The following KCNH1 variants were observed in gnomAD, a reference collection of about 807,000 sequenced individuals.
The protein encoded by KCNH1 is potassium voltage-gated channel subfamily H member 1.
KCNH1 carries 27 observed loss-of-function variants against 69.2 expected under a neutral mutation model. The observed-to-expected ratio is 0.39, with a 90% CI of 0.29 to 0.54. The LOEUF is 0.54. Ranked by LOEUF, KCNH1 falls within the 20% of genes least tolerant of loss-of-function variation. The probability of loss-of-function intolerance (pLI) is 0.68; values close to 1 mark genes in which losing one functional copy is unlikely to be tolerated. For synonymous variants in KCNH1, 456 were observed against 487.7 expected, an observed-to-expected ratio of 0.93 and a Z score of 0.86; for missense variants, 798 against 1,261.6, an observed-to-expected ratio of 0.63 and a Z score of 5.57.
intron 9 of KCNH1, among the ~76,000 whole-genome samples, chr1:210,776,052 G>A (rs193076292): frequency 7.9e-5 from 12 of 152,288 alleles, no homozygotes; most frequent in Non-Finnish European, 1.3e-4. Flanking sequence ...CTATATTAGC[G>A]TGACTGAGAG....
chr1:211,082,047 T>C (rs34419401), intron 5 of KCNH1, among the ~76,000 whole-genome samples: 7,461 of 152,166 alleles, frequency 0.049, 297 homozygotes, highest in Non-Finnish European at 0.071. Flanking sequence ...TAATGACAAG[T>C]TGGGTGCATA....
At chr1:210,797,331 G>C (rs1456088311) in intron 9 of KCNH1, among the ~76,000 whole-genome samples, 177 bp downstream of exon 9, 3 of 152,208 alleles carry the variant, frequency 2.0e-5, no homozygotes, top group South Asian at 2.1e-4. Flanking sequence ...ATCAAACAGT[G>C]ACTGGCTTTG....
At chr1:210,801,837 C>G (rs1186503277) in intron 8 of KCNH1, among the ~76,000 whole-genome samples, 1 of 152,224 alleles carries the variant, frequency 6.6e-6, no homozygotes, top group Non-Finnish European at 1.5e-5. Context: ...CGACTAAGTT[C>G]AGCTCCAGCC....
chr1:210,969,612 T>C (rs995603420), intron 6 of KCNH1, among the ~76,000 whole-genome samples: 8 of 152,138 alleles, frequency 5.3e-5, no homozygotes, highest in African/African-American at 1.9e-4. Flanking sequence ...ATTATATTTG[T>C]AGAACTGCCT....
chr1:210,961,704 G>C (rs929211438), intron 6 of KCNH1, among the ~76,000 whole-genome samples: 1 of 152,112 alleles, frequency 6.6e-6, no homozygotes, highest in Non-Finnish European at 1.5e-5. Context: ...GCCAGGCATG[G>C]TGGTGCATGC....
chr1:210,769,743 C>T (rs113709743), intron 10 of KCNH1, among the ~76,000 whole-genome samples: 8 of 152,236 alleles, frequency 5.3e-5, no homozygotes, highest in East Asian at 1.9e-4. Context: ...AGCAGGAGAA[C>T]GTAATTCCCT....
At position 210,797,626 on chromosome 1, in the gene KCNH1, C is replaced by G. The variant is rs147586251; in HGVS notation, c.1797G>C (p.Thr599=). 6.2e-7 allele frequency: 1 copy of G among 1,614,120 alleles called. No individual in the cohort carries two copies. Among genetic ancestry groups the G allele is most frequent in the Admixed American group, 1.7e-5 (1 of 60,010 alleles). The change falls in exon 9 of 11, where the codon ACG becomes ACC. Residue 599 remains threonine, a synonymous_variant. Transcript: ENST00000271751. ...CLRALAMEFQ[T]VHCAPGDLIY... The stretch of plus-strand genomic sequence containing the variant: ...TGAGGTCCCCTGGGGCACAGTGCAC[C>G]GTCTGGAACTCCATGGCCAGTGCCC...
intron 5 of KCNH1, among the ~76,000 whole-genome samples, chr1:211,078,822 G>A (rs1403454929): frequency 6.6e-6 from 1 of 150,956 alleles, no homozygotes; most frequent in East Asian, 2.0e-4. Flanking sequence ...GGAGGCTGAG[G>A]CAGTAGAATG....
chr1:210,687,384 A>C (rs112219232), intron 10 of KCNH1, among the ~76,000 whole-genome samples: 9 of 152,306 alleles, frequency 5.9e-5, no homozygotes, highest in African/African-American at 1.2e-4. Flanking sequence ...CAGACACTCA[A>C]TGACAGGGCC....
chr1:210,982,224 A>T (rs368054126), intron 6 of KCNH1, among the ~76,000 whole-genome samples: 3 of 32,428 alleles, frequency 9.3e-5, no homozygotes, highest in African/African-American at 4.0e-4. Flanking sequence ...GAATACTTTT[A>T]TTATTATTAT....
intron 10 of KCNH1, among the ~76,000 whole-genome samples, chr1:210,747,642 C>CAAAA (rs11449700): frequency 4.2e-4 from 59 of 141,422 alleles, no homozygotes; most frequent in Non-Finnish European, 7.5e-4. Flanking sequence ...CTTTCACATG[C>CAAAA]AAAAAAAAAA....
rs34889899 is a variant in KCNH1 at position 210,899,490 on chromosome 1, G to GAT, written c.1462+20148_1462+20149dup. On this transcript the variant is annotated intron_variant, in intron 7 of 10. Coordinates refer to ENST00000271751, the MANE Select transcript of KCNH1 (RefSeq NM_172362.3). ...ATTGAGATATATATCTCACTTATGAGATATATATATATATATTTTTATCAT... is the reference window on the plus strand; with the variant it reads ...ATTGAGATATATATCTCACTTATGAGATATATATATATATATATTTTTATCAT... Among the ~76,000 whole-genome samples the GAT allele has an allele frequency of 1.9e-3, 280 of 150,652 alleles. 1 individual carries two copies. The East Asian group carries it at 0.019, about 10-fold the overall frequency.
At chr1:210,777,181 T>C (rs1386555283) in intron 9 of KCNH1, among the ~76,000 whole-genome samples, 1 of 152,216 alleles carries the variant, frequency 6.6e-6, no homozygotes, top group East Asian at 1.9e-4. Flanking sequence ...GTAATTATAC[T>C]TCCAAGTACA....
At chr1:210,939,261 A>C (rs553173805) in intron 6 of KCNH1, among the ~76,000 whole-genome samples, 12 of 152,336 alleles carry the variant, frequency 7.9e-5, no homozygotes, top group African/African-American at 2.9e-4. Context: ...ACAGAGAATA[A>C]ACAGCATAAA....
intron 7 of KCNH1, among the ~76,000 whole-genome samples, chr1:210,866,975 C>T (rs181111328): frequency 2.0e-5 from 3 of 151,976 alleles, no homozygotes; most frequent in East Asian, 3.9e-4. Context: ...ATATTAGAAC[C>T]TTGAAAATGT....
At chr1:210,687,827 C>T (rs889559285) in intron 10 of KCNH1, among the ~76,000 whole-genome samples, 2 of 152,156 alleles carry the variant, frequency 1.3e-5, no homozygotes, top group African/African-American at 4.8e-5. Context: ...GCCACCAGCA[C>T]CAGCCACAGC....
chr1:210,736,616 T>G (rs1485787409), intron 10 of KCNH1, among the ~76,000 whole-genome samples: 1 of 151,988 alleles, frequency 6.6e-6, no homozygotes, highest in Non-Finnish European at 1.5e-5. Context: ...ACATCTAGAT[T>G]AATGATAAGG....
rs553856322 is a variant in KCNH1 at position 210,696,220 on chromosome 1, C to A, written c.2113-12082G>T. On this transcript the variant is annotated intron_variant, in intron 10 of 10. Coordinates refer to ENST00000271751, the MANE Select transcript of KCNH1 (RefSeq NM_172362.3). ...TCCTGGCACAAGATATGCAACACCCCCTTCTCAGAGGGCTGCATGGAGCAC... is the reference window on the plus strand; with the variant it reads ...TCCTGGCACAAGATATGCAACACCCACTTCTCAGAGGGCTGCATGGAGCAC... 1.4e-4 allele frequency among the ~76,000 whole-genome samples: 21 copies of A among 152,170 alleles called. 1 individual carries two copies. Among genetic ancestry groups the A allele is most frequent in the Admixed American group, 1.4e-3 (21 of 15,280 alleles).
intron 10 of KCNH1, among the ~76,000 whole-genome samples, chr1:210,713,966 G>A (rs1046130679): frequency 6.6e-5 from 10 of 152,138 alleles, no homozygotes; most frequent in East Asian, 3.9e-4. Context: ...CTGTCACTCC[G>A]GTGGGAGGCT....
Sources: allele counts gnomAD v4.1 joint callset (sites outside exome capture counted in the v4.1 genomes callset), GRCh38; gene constraint gnomAD v4.1.1; transcripts MANE v1.5; gene names NCBI Gene and HGNC (gene_info 2026-07-23, HGNC 2026-07-21).